NREP: variants seen among roughly 807,000 people sequenced by gnomAD.
The protein encoded by NREP is neuronal regeneration-related protein.
Under a neutral mutation model 8.6 loss-of-function variants are expected in NREP, and 5 were observed. The observed-to-expected ratio is 0.58, with a 90% CI of 0.30 to 1.22. The LOEUF is 1.22. Among genes scored for constraint, NREP ranks in the 50% most tolerant of loss-of-function variants. NREP has a pLI of 0.07. For missense variants in NREP, 86 were observed against 82.5 expected, an observed-to-expected ratio of 1.04 and a Z score of -0.17; for synonymous variants, 27 against 28.0, an observed-to-expected ratio of 0.96 and a Z score of 0.11.
chr5:111,735,251 G>C (rs541667107), intron 3 of NREP, 179 bp downstream of exon 3: 99 of 478,334 alleles, frequency 2.1e-4, no homozygotes, highest in Non-Finnish European at 3.6e-4. Context: ...TGAACTTTAA[G>C]TCATAGGACT....
intron 2 of NREP, among the ~76,000 whole-genome samples, chr5:111,925,023 G>C (rs917010779): frequency 1.3e-5 from 2 of 152,096 alleles, no homozygotes; most frequent in Non-Finnish European, 2.9e-5. Flanking sequence ...AAAAATATAG[G>C]GTTAGAACCT....
chr5:111,742,197 C>A (rs1489353684), intron 2 of NREP, among the ~76,000 whole-genome samples: 1 of 152,050 alleles, frequency 6.6e-6, no homozygotes, highest in East Asian at 1.9e-4. Flanking sequence ...TGTTACTGTC[C>A]AACATTACAT....
chr5:111,960,043 A>C (rs1050464622), intron 2 of NREP, among the ~76,000 whole-genome samples: 1 of 151,996 alleles, frequency 6.6e-6, no homozygotes, highest in African/African-American at 2.4e-5. Flanking sequence ...AATCAGAGTC[A>C]AGTTTTTCAA....
intron 2 of NREP, among the ~76,000 whole-genome samples, chr5:111,797,778 G>A (rs557930872): frequency 1.3e-5 from 2 of 152,280 alleles, no homozygotes; most frequent in East Asian, 1.9e-4. Context: ...ATGAGGATGG[G>A]ATTTTCAGTC....
intron 2 of NREP, among the ~76,000 whole-genome samples, chr5:111,804,247 C>T (rs915007630): frequency 3.9e-5 from 6 of 151,992 alleles, no homozygotes; most frequent in African/African-American, 9.7e-5. Context: ...ATTCAGTACA[C>T]GATAAAGGTC....
intron 2 of NREP, among the ~76,000 whole-genome samples, chr5:111,843,226 A>G (rs1753075753): frequency 6.6e-6 from 1 of 151,886 alleles, no homozygotes; most frequent in Non-Finnish European, 1.5e-5. Context: ...AGTTTTCTTC[A>G]CTTTTTAAAA....
chr5:111,762,846 T>C (rs1750993307), intron 2 of NREP, among the ~76,000 whole-genome samples: 1 of 152,136 alleles, frequency 6.6e-6, no homozygotes, highest in Admixed American at 6.5e-5. Context: ...AGTAAAGGAT[T>C]TGTAGTATTT....
At chr5:111,857,921 G>C (rs1399515567) in intron 2 of NREP, among the ~76,000 whole-genome samples, 2 of 151,550 alleles carry the variant, frequency 1.3e-5, no homozygotes, top group African/African-American at 4.9e-5. Context: ...CCAAGTGGGA[G>C]TCTCTTTCAA....
At chr5:111,843,031 T>C (rs1387937801) in intron 2 of NREP, among the ~76,000 whole-genome samples, 1 of 152,168 alleles carries the variant, frequency 6.6e-6, no homozygotes, top group Non-Finnish European at 1.5e-5. Flanking sequence ...AAGATCTTTT[T>C]TATGTTTAAT....
chr5:111,976,383 C>A (rs746939834), intron 1 of NREP, among the ~76,000 whole-genome samples: 2 of 152,200 alleles, frequency 1.3e-5, no homozygotes, highest in Non-Finnish European at 2.9e-5. Flanking sequence ...CATATCCAAT[C>A]CCTTCATCCC....
At chr5:111,824,648 T>C (rs1752581253) in intron 2 of NREP, among the ~76,000 whole-genome samples, 1 of 152,210 alleles carries the variant, frequency 6.6e-6, no homozygotes. Flanking sequence ...CCATTAGGAA[T>C]TTAATGGGAT....
intron 2 of NREP, among the ~76,000 whole-genome samples, chr5:111,940,427 C>T (rs939719872): frequency 2.0e-5 from 3 of 152,176 alleles, no homozygotes; most frequent in South Asian, 2.1e-4. Flanking sequence ...GACATGAAGT[C>T]GTACTGGCAA....
At position 111,929,715 on chromosome 5, in the gene NREP, C is replaced by G. The variant is rs181373013; in HGVS notation, c.135+45559G>C. ...GGAACTTCTGTGTTATTCAATTTGT[C>G]AAGGCAATTCCTGTGTGGCAAACCA... On this transcript the variant is annotated intron_variant, in intron 2 of 3. Coordinates refer to the NREP transcript ENST00000395634. 2.9e-4 allele frequency among the ~76,000 whole-genome samples: 44 copies of G among 152,262 alleles called. 1 individual carries two copies. The highest frequency in any genetic ancestry group is 7.4e-5 in the Non-Finnish European group (5 of 68,018).
chr5:111,895,696 C>A (rs1160690288), intron 2 of NREP, among the ~76,000 whole-genome samples: 1 of 152,092 alleles, frequency 6.6e-6, no homozygotes, highest in African/African-American at 2.4e-5. Flanking sequence ...AGGGTGCTGT[C>A]CTGTATCTTG....
chr5:111,746,989 C>A (rs187190737), intron 2 of NREP, among the ~76,000 whole-genome samples: 1 of 152,100 alleles, frequency 6.6e-6, no homozygotes, highest in East Asian at 1.9e-4. Context: ...ACCCACATGG[C>A]GCACTCATCT....
chr5:111,804,090 G>A (rs2112907055), intron 2 of NREP, among the ~76,000 whole-genome samples: 1 of 152,200 alleles, frequency 6.6e-6, no homozygotes, highest in Non-Finnish European at 1.5e-5. Flanking sequence ...AATTTGAGAT[G>A]AGATGACAAA....
intron 2 of NREP, among the ~76,000 whole-genome samples, chr5:111,839,322 T>C (rs1418561759): frequency 1.3e-5 from 2 of 152,138 alleles, no homozygotes; most frequent in African/African-American, 4.8e-5. Context: ...TGAAGGGCAA[T>C]GACCAGAGTC....
At chr5:111,762,561 G>A (rs1750985195), upstream of NREP, among the ~76,000 whole-genome samples, 1 of 151,802 alleles carries the variant, frequency 6.6e-6, no homozygotes, top group South Asian at 2.1e-4. Flanking sequence ...GGTAAAATGA[G>A]GTCATATGGT....
intron 2 of NREP, among the ~76,000 whole-genome samples, chr5:111,895,939 T>C (rs1042745749): frequency 2.6e-5 from 4 of 152,210 alleles, no homozygotes; most frequent in Non-Finnish European, 5.9e-5. Flanking sequence ...CTGAAAACGA[T>C]TGATAAGACT....
Sources: allele counts gnomAD v4.1 joint callset (sites outside exome capture counted in the v4.1 genomes callset), GRCh38; gene constraint gnomAD v4.1.1; transcripts MANE v1.5; gene names NCBI Gene and HGNC (gene_info 2026-07-23, HGNC 2026-07-21).